NUP210L: variants seen among roughly 807,000 people sequenced by gnomAD.
NUP210L encodes the protein nucleoporin 210 like, also known as nuclear pore membrane glycoprotein 210-like.
In NUP210L, 74 loss-of-function variants were observed where a neutral mutation model predicts 208.5. The observed-to-expected ratio is 0.35, with a 90% confidence interval of 0.29 to 0.43. The LOEUF is 0.43. Ranked by LOEUF, NUP210L falls within the 20% of genes least tolerant of loss-of-function variation. NUP210L has a pLI of 1.00. For missense variants in NUP210L, 1,843 were observed against 2,289.4 expected, an observed-to-expected ratio of 0.81 and a Z score of 3.98; for synonymous variants, 780 against 816.9, an observed-to-expected ratio of 0.95 and a Z score of 0.77.
In NUP210L at chr1:154,138,106, C is replaced by A; in HGVS notation, c.850G>T (p.Glu284Ter). The A allele has an allele frequency of 6.8e-7, 1 of 1,480,684 alleles. No individual in the cohort carries two copies. The highest frequency in any genetic ancestry group is 8.9e-7 in the Non-Finnish European group (1 of 1,121,402). 91.7% of individuals were successfully genotyped at this position (1,480,684 alleles called of 1,614,324 possible). Reference sequence around the variant, plus strand: ...TAGGAGAAAAAATAAATCACCTTACCTGTCACTCTCCCTTGAACCATTTTT... The same window carrying A: ...TAGGAGAAAAAATAAATCACCTTACATGTCACTCTCCCTTGAACCATTTTT... The change falls in exon 6 of 40, where the codon GAG (glutamate) becomes TAG (stop). Residue 284 changes from glutamate to a stop codon, truncating the protein, a stop_gained and splice_region_variant. Coordinates refer to ENST00000368559, the Ensembl canonical transcript of NUP210L. LOFTEE classifies it high-confidence loss of function.
intron 10 of NUP210L, among the ~76,000 whole-genome samples, chr1:154,125,724 A>G (rs1182974652): frequency 1.9e-5 from 1 of 51,474 alleles, no homozygotes; most frequent in Non-Finnish European, 4.0e-5. Flanking sequence ...GAAGGAAGGA[A>G]GGAAGGAAGG....
chr1:154,082,258 G>A (rs1655375861), intron 16 of NUP210L, among the ~76,000 whole-genome samples: 1 of 152,200 alleles, frequency 6.6e-6, no homozygotes, highest in South Asian at 2.1e-4. Flanking sequence ...ATCATCTGAA[G>A]TGAGGGCAGT....
intron 35 of NUP210L, 139 bp from the exon 36 acceptor site, chr1:154,002,124 T>G (rs759623471): frequency 2.4e-6 from 2 of 839,714 alleles, no homozygotes; most frequent in East Asian, 2.7e-5. Flanking sequence ...GTATTCAATA[T>G]CAGCACAATA....
chr1:154,119,752 C>T lies in NUP210L; in HGVS notation c.1327-944G>A, dbSNP rs149459468. On this transcript the variant is annotated intron_variant, in intron 10 of 39. Coordinates refer to ENST00000368559, the Ensembl canonical transcript of NUP210L. The stretch of plus-strand genomic sequence containing the variant: ...CAATTGTATTTAGAAGTGCATTATC[C>T]ATGGTGTATATGTGCCACATTTTCT... Among the ~76,000 whole-genome samples, 237 of 152,222 alleles carry T rather than the reference C, an allele frequency of 1.6e-3. 1 individual carries two copies. Among genetic ancestry groups the T allele is most frequent in the African/African-American group, 5.5e-3 (229 of 41,546 alleles).
chr1:154,130,880 C>A (rs1484749554), intron 7 of NUP210L, among the ~76,000 whole-genome samples: 1 of 151,928 alleles, frequency 6.6e-6, no homozygotes, highest in Non-Finnish European at 1.5e-5. Flanking sequence ...CCACTGTGCC[C>A]GGCCTAAAGC....
exon 21 of NUP210L, chr1:154,058,574 C>T (rs1653990046): frequency 6.2e-7 from 1 of 1,611,252 alleles, no homozygotes; most frequent in South Asian, 1.1e-5. Flanking sequence ...CCTTATCAAT[C>T]AGATCAAGCT....
intron 16 of NUP210L, among the ~76,000 whole-genome samples, chr1:154,087,508 A>G (rs2148041586): frequency 6.6e-6 from 1 of 152,298 alleles, no homozygotes; most frequent in South Asian, 2.1e-4. Context: ...AAAATGGTGC[A>G]GCCACTTTGG....
chr1:154,120,586 C>T (rs1657566664), intron 10 of NUP210L, among the ~76,000 whole-genome samples: 1 of 150,302 alleles, frequency 6.7e-6, no homozygotes, highest in South Asian at 2.1e-4. Context: ...TGTAACAAAC[C>T]TGCACATTGT....
chr1:154,150,089 G>A (rs1451955364), intron 2 of NUP210L, among the ~76,000 whole-genome samples: 3 of 152,148 alleles, frequency 2.0e-5, no homozygotes, highest in Non-Finnish European at 4.4e-5. Flanking sequence ...ATTTAGCGGG[G>A]CAAGGCCAGG....
chr1:153,995,027 A>C, intron 38 of NUP210L, 49 bp downstream of exon 38: 1 of 1,209,672 alleles, frequency 8.3e-7, no homozygotes, highest in Non-Finnish European at 1.2e-6. Flanking sequence ...AAAAAAAAAA[A>C]AGGCAGTTTT....
chr1:154,152,960 T>C (rs73012890), intron 1 of NUP210L, 88 bp from the exon 2 acceptor site: 3 of 1,150,340 alleles, frequency 2.6e-6, no homozygotes, highest in African/African-American at 1.5e-5. Flanking sequence ...TCTTCCATGT[T>C]ACATACTACC....
At chr1:154,139,864 C>T in exon 5 of NUP210L, 1 of 1,613,644 alleles carries the variant, frequency 6.2e-7, no homozygotes. Flanking sequence ...ATCCCAGACA[C>T]TAAAATCACA....
exon 6 of NUP210L, chr1:154,138,140 G>A: frequency 6.6e-7 from 1 of 1,511,418 alleles, no homozygotes; most frequent in African/African-American, 1.5e-5. Flanking sequence ...TTGCAACTTG[G>A]TATTTAATAT....
chr1:153,995,011 CAA>C (rs376157395), intron 38 of NUP210L, 63 bp downstream of exon 38: 24,580 of 700,724 alleles, frequency 0.035, no homozygotes, highest in South Asian at 0.045. Context: ...AACTCCATCT[CAA>C]AAAAAAAAAA....
intron 25 of NUP210L, among the ~76,000 whole-genome samples, chr1:154,049,669 A>G (rs2147977173): frequency 6.6e-6 from 1 of 152,334 alleles, no homozygotes; most frequent in South Asian, 2.1e-4. Context: ...AGAAAAAATC[A>G]GGTAAATGGA....
At chr1:154,022,580 T>C (rs538710737) in intron 31 of NUP210L, among the ~76,000 whole-genome samples, 27 of 151,402 alleles carry the variant, frequency 1.8e-4, no homozygotes, top group Non-Finnish European at 3.5e-4. Context: ...TCCAGTTAGC[T>C]CCCTATGGAT....
At chr1:154,046,805 C>T (rs540146053) in intron 25 of NUP210L, among the ~76,000 whole-genome samples, 1 of 152,198 alleles carries the variant, frequency 6.6e-6, no homozygotes, top group African/African-American at 2.4e-5. Flanking sequence ...TGGCTCACGC[C>T]TGTAATCCCA....
chr1:154,123,173 T>A (rs918796854), intron 10 of NUP210L, among the ~76,000 whole-genome samples: 9 of 152,176 alleles, frequency 5.9e-5, no homozygotes, highest in Admixed American at 5.2e-4. Flanking sequence ...GAGACGGAGT[T>A]TCGCTCTTGT....
intron 34 of NUP210L, among the ~76,000 whole-genome samples, 162 bp downstream of exon 34, chr1:154,012,082 C>A (rs1471596622): frequency 6.6e-6 from 1 of 152,046 alleles, no homozygotes; most frequent in African/African-American, 2.4e-5. Flanking sequence ...TTAGTCTAGT[C>A]ATAATTTCTG....
Sources: allele counts gnomAD v4.1 joint callset (sites outside exome capture counted in the v4.1 genomes callset), GRCh38; gene constraint gnomAD v4.1.1; transcripts MANE v1.5; gene names NCBI Gene and HGNC (gene_info 2026-07-23, HGNC 2026-07-21).